The following PIAS1 variants were observed in gnomAD, a reference collection of about 807,000 sequenced individuals.
The protein encoded by PIAS1 is protein inhibitor of activated STAT 1.
A neutral mutation model predicts 71.3 loss-of-function variants in PIAS1; 6 were observed. The ratio of observed to expected loss-of-function variants is 0.08; its 90% CI spans 0.05 to 0.17. The LOEUF (loss-of-function observed/expected upper bound fraction) is 0.17, where lower values mean the gene tolerates loss of function less well. PIAS1 is among the 10% of genes least tolerant of loss of function. The pLI, the probability that PIAS1 is intolerant of heterozygous loss-of-function variation, is 1.00. For synonymous variants in PIAS1, 303 were observed against 292.9 expected, an observed-to-expected ratio of 1.03 and a Z score of -0.35; for missense variants, 555 against 793.6, an observed-to-expected ratio of 0.70 and a Z score of 3.61.
In PIAS1 at chr15:68,176,685, AATC is replaced by A. The variant is rs774219422; in HGVS notation, c.1481+34_1481+36del. 2.9e-5 allele frequency: 42 copies of A among 1,438,958 alleles called. No homozygotes were observed. In the Middle Eastern group the frequency reaches 5.5e-4, roughly 19 times the overall value. The allele number at this position is 1,438,958 out of a possible 1,614,324, so 89.1% of individuals were successfully genotyped here. A position where few individuals can be genotyped will look rare whatever the true frequency, so the allele number is the denominator to read the frequency against. On this transcript the variant is annotated intron_variant, in intron 11 of 13. Coordinates refer to ENST00000249636, the MANE Select transcript of PIAS1 (RefSeq NM_016166.3). ...TGCTGAGACATTTAAAAAAAAAAGT[AATC>A]ATGAAAATTAACTTGGCAAATAGGG...
At position 68,086,558 on chromosome 15, in the gene PIAS1, A is replaced by G. The variant is rs202215274; in HGVS notation, c.277A>G (p.Thr93Ala). The change falls in exon 2 of 14, where the codon ACC becomes GCC. Residue 93 changes from threonine (T) to alanine (A), a missense_variant. Thr to Ala is a moderately conservative substitution (Grantham distance 58). Transcript: ENST00000249636. The surrounding 1 kb of genome is among the most constrained non-coding windows in gnomAD (Gnocchi z 7.2). ...TATGCCAGCAACTTTGTCTCCATCT[A>G]CCATTCCACAACTCACTTACGATGG... ...SPMPATLSPS[T>A]IPQLTYDGHP... 6.8e-5 allele frequency: 109 copies of G among 1,613,650 alleles called. No individual in the cohort carries two copies. Among genetic ancestry groups the G allele is most frequent in the Admixed American group, 1.3e-4 (8 of 59,982 alleles).
chr15:68,152,185 G>A (rs1042217073), intron 6 of PIAS1, among the ~76,000 whole-genome samples: 3 of 151,790 alleles, frequency 2.0e-5, no homozygotes, highest in South Asian at 2.1e-4. Context: ...TCCTGACCTC[G>A]TGACCTACCC....
chr15:68,114,097 G>T (rs539974300), intron 2 of PIAS1, among the ~76,000 whole-genome samples: 3 of 150,640 alleles, frequency 2.0e-5, no homozygotes, highest in Non-Finnish European at 4.4e-5. Context: ...TTTGTATAAG[G>T]TATAAAAAGC....
At chr15:68,138,785 C>G (rs1459178951) in intron 2 of PIAS1, among the ~76,000 whole-genome samples, 16 of 152,102 alleles carry the variant, frequency 1.1e-4, no homozygotes, top group South Asian at 2.1e-4. Flanking sequence ...AGTTCTGTCA[C>G]TTTAATAAGG....
At chr15:68,105,293 C>G (rs1286085850) in intron 2 of PIAS1, among the ~76,000 whole-genome samples, 2 of 152,102 alleles carry the variant, frequency 1.3e-5, no homozygotes, top group African/African-American at 4.8e-5. Flanking sequence ...ATCTAGGTTA[C>G]TTTTAGATAA....
intron 8 of PIAS1, among the ~76,000 whole-genome samples, chr15:68,172,401 C>T (rs2092997315): frequency 6.6e-6 from 1 of 152,122 alleles, no homozygotes; most frequent in African/African-American, 2.4e-5. Context: ...TTATAAGTAG[C>T]ATGATTTATA....
intron 2 of PIAS1, among the ~76,000 whole-genome samples, chr15:68,088,176 G>GTGTATATATATATATATATATATATA (rs150997979): frequency 5.3e-4 from 39 of 72,960 alleles, no homozygotes; most frequent in East Asian, 1.5e-3. Flanking sequence ...TTATGTGTGT[G>GTGTATATATATATATATATATATATA]TATATATATA....
rs1325480515 is a variant in PIAS1, at chr15:68,192,962, C to G, written c.*5127C>G. ...GGCACCTCTGAATCTCTGGCAGCAC[C>G]AACCTGGCACCTTCTAGCTGTGTAA... On this transcript the variant is annotated 3_prime_UTR_variant, in exon 14 of 14. Transcript: ENST00000249636. 6.6e-6 allele frequency: 1 copy of G among 152,228 alleles called. No homozygotes were observed. The highest frequency in any genetic ancestry group is 2.4e-5 in the African/African-American group (1 of 41,446). The allele number at this position is 152,228 out of a possible 1,614,324, so 9.4% of individuals were successfully genotyped here.
intron 4 of PIAS1, 42 bp from the exon 5 acceptor site, chr15:68,145,774 A>G: frequency 9.1e-7 from 1 of 1,093,644 alleles, no homozygotes. Context: ...TAATGAAGTC[A>G]TCCTTTAATA....
intron 2 of PIAS1, among the ~76,000 whole-genome samples, chr15:68,124,324 A>G (rs2092634497): frequency 6.6e-6 from 1 of 152,106 alleles, no homozygotes; most frequent in South Asian, 2.1e-4. Context: ...GTGGACATAC[A>G]GATATTTTTT....
chr15:68,143,095 T>G (rs956794870), intron 4 of PIAS1, among the ~76,000 whole-genome samples: 1 of 152,122 alleles, frequency 6.6e-6, no homozygotes. Flanking sequence ...ATATCTCCCT[T>G]ATATAAACCA....
At chr15:68,115,658 A>T (rs1246647481) in intron 2 of PIAS1, among the ~76,000 whole-genome samples, 1 of 152,098 alleles carries the variant, frequency 6.6e-6, no homozygotes, top group East Asian at 1.9e-4. Context: ...GTCTCAGTAA[A>T]GTGTTTCCTG....
intron 2 of PIAS1, among the ~76,000 whole-genome samples, chr15:68,137,978 CAAAATAA>C (rs1252389029): frequency 6.6e-6 from 1 of 151,874 alleles, no homozygotes; most frequent in Non-Finnish European, 1.5e-5. Context: ...CTCATCTCTA[CAAAATAA>C]AAAATAAAAA....
At position 68,086,030 on chromosome 15, in the gene PIAS1, A is replaced by T. The variant is rs2092278422; in HGVS notation, c.25-276A>T. Among the ~76,000 whole-genome samples the T allele has an allele frequency of 6.6e-6, 1 of 152,204 alleles. No individual in the cohort carries two copies. Among genetic ancestry groups the T allele is most frequent in the South Asian group, 2.1e-4 (1 of 4,830 alleles). ...CTGACAGTTTCATCAAAACAGTGGA[A>T]TAAAGTGAGGTGTGGTTTTCCCTGG... On this transcript the variant is annotated intron_variant, in intron 1 of 13. Transcript: ENST00000249636. This position sits in a 1 kb window ranked among gnomAD's most constrained non-coding sequence, Gnocchi z 7.2.
rs2093105509 is a variant in PIAS1, at chr15:68,189,000, C to G, written c.*1165C>G. ...TACTATTTGATAAACAGTTGAAATT[C>G]AAGATGTGTTTGACCCTTAGTCATT... On this transcript the variant is annotated 3_prime_UTR_variant, in exon 14 of 14. Transcript: ENST00000249636. 1 of 152,204 alleles carries G rather than the reference C, an allele frequency of 6.6e-6. No individual in the cohort carries two copies. The highest frequency in any genetic ancestry group is 2.4e-5 in the African/African-American group (1 of 41,440). 9.4% of individuals were successfully genotyped at this position (152,204 alleles called of 1,614,324 possible). A position where few individuals can be genotyped will look rare whatever the true frequency, so the allele number is the denominator to read the frequency against.
intron 1 of PIAS1, among the ~76,000 whole-genome samples, chr15:68,059,060 A>C (rs1357976990): frequency 7.3e-6 from 1 of 136,812 alleles, no homozygotes; most frequent in Admixed American, 8.1e-5. Context: ...GCAGTAGTGC[A>C]GTGGCGCGAT....
chr15:68,187,900 T>G lies in PIAS1; in HGVS notation c.*65T>G, dbSNP rs1156352301. The G allele has an allele frequency of 5.5e-6, 8 of 1,457,180 alleles. No individual in the cohort carries two copies. The highest frequency in any genetic ancestry group is 7.5e-6 in the Non-Finnish European group (8 of 1,059,732). The allele number at this position is 1,457,180 out of a possible 1,614,324, so 90.3% of individuals were successfully genotyped here. A position where few individuals can be genotyped will look rare whatever the true frequency, so the allele number is the denominator to read the frequency against. On this transcript the variant is annotated 3_prime_UTR_variant, in exon 14 of 14. Coordinates refer to ENST00000249636, the MANE Select transcript of PIAS1 (RefSeq NM_016166.3). This position sits in a 1 kb window ranked among gnomAD's most constrained non-coding sequence, Gnocchi z 5.3. The stretch of plus-strand genomic sequence containing the variant: ...ATGAACTTGGCAGAAAGAAGAGAAC[T>G]TTGTGCTCTGTTTTACCTTACTCTG...
rs2093125485 is a variant in PIAS1 at position 68,192,608 on chromosome 15, G to A, written c.*4773G>A. ...AGTCTCCTTCCTCAGGGCCTTGTTTGGGTCTGAAGCCACACAGCATCGTTG... is the reference window on the plus strand; with the variant it reads ...AGTCTCCTTCCTCAGGGCCTTGTTTAGGTCTGAAGCCACACAGCATCGTTG... On this transcript the variant is annotated 3_prime_UTR_variant, in exon 14 of 14. Coordinates refer to ENST00000249636, the MANE Select transcript of PIAS1 (RefSeq NM_016166.3). 6.6e-6 allele frequency: 1 copy of A among 152,184 alleles called. No individual in the cohort carries two copies. The highest frequency in any genetic ancestry group is 1.5e-5 in the Non-Finnish European group (1 of 68,052). 9.4% of individuals were successfully genotyped at this position (152,184 alleles called of 1,614,324 possible).
intron 2 of PIAS1, among the ~76,000 whole-genome samples, chr15:68,095,004 G>T (rs561470004): frequency 3.2e-4 from 49 of 152,286 alleles, no homozygotes; most frequent in African/African-American, 1.1e-3. Context: ...ATGGATGTCT[G>T]TGTACTTGAG....
Sources: allele counts gnomAD v4.1 joint callset (sites outside exome capture counted in the v4.1 genomes callset), GRCh38; gene constraint gnomAD v4.1.1; non-coding constraint Gnocchi (gnomAD v3.1); transcripts MANE v1.5; gene names NCBI Gene and HGNC (gene_info 2026-07-23, HGNC 2026-07-21).